The following P4HB variants were observed in gnomAD, a reference collection of about 807,000 sequenced individuals.
P4HB encodes the protein prolyl 4-hydroxylase subunit beta.
P4HB carries 20 observed loss-of-function variants against 52.6 expected under a neutral mutation model. That is an observed-to-expected ratio of 0.38 (90% CI 0.27 to 0.55). The LOEUF is 0.55. P4HB is among the 20% of genes least tolerant of loss of function. The pLI is 0.74. For synonymous variants in P4HB, 296 were observed against 277.9 expected (o/e 1.07, Z -0.65); for missense variants, 601 against 669.2 (o/e 0.90, Z 1.12).
chr17:81,849,658 G>A (rs970795982), intron 4 of P4HB, among the ~76,000 whole-genome samples: 6 of 152,150 alleles, frequency 3.9e-5, no homozygotes, highest in Non-Finnish European at 7.4e-5. Flanking sequence ...AAGGCCACAA[G>A]ATGGAGAGGC....
At chr17:81,850,124 G>A (rs1317331777) in intron 4 of P4HB, among the ~76,000 whole-genome samples, 2 of 150,486 alleles carry the variant, frequency 1.3e-5, no homozygotes, top group Non-Finnish European at 3.0e-5. Flanking sequence ...CACTGAGCCC[G>A]GCCCAAACTA....
chr17:81,849,976 C>A (rs909633736), intron 4 of P4HB, among the ~76,000 whole-genome samples: 2 of 151,740 alleles, frequency 1.3e-5, no homozygotes, highest in Admixed American at 1.3e-4. Context: ...CACAGGCACC[C>A]GCCACCACGC....
In P4HB at chr17:81,855,095, G is replaced by T; in HGVS notation, c.624+47C>A. On this transcript the variant is annotated intron_variant, in intron 4 of 10. Transcript: ENST00000331483. The surrounding 1 kb of genome is among the most constrained non-coding windows in gnomAD (Gnocchi z 4.3). Reference sequence around the variant, plus strand: ...AAGGAGAGCAACGCCACCCTCTGCAGACCAACCCCAGAACTAACCTGGGCA... The same window carrying T: ...AAGGAGAGCAACGCCACCCTCTGCATACCAACCCCAGAACTAACCTGGGCA... 6.2e-7 allele frequency: 1 copy of T among 1,604,714 alleles called. No individual in the cohort carries two copies. Among genetic ancestry groups the T allele is most frequent in the South Asian group, 1.1e-5 (1 of 90,808 alleles).
intron 4 of P4HB, among the ~76,000 whole-genome samples, chr17:81,850,441 T>G (rs1355483491): frequency 6.6e-6 from 1 of 150,872 alleles, no homozygotes; most frequent in Non-Finnish European, 1.5e-5. Flanking sequence ...TGGACAGAAC[T>G]ACTTTTTAAA....
intron 1 of P4HB, chr17:81,859,827 T>G (rs937917267): frequency 2.7e-5 from 6 of 223,164 alleles, no homozygotes; most frequent in Non-Finnish European, 5.4e-5. Context: ...TTGCTTAGGG[T>G]GAGAATAAGA....
In P4HB at chr17:81,846,349, C is replaced by A. The variant is rs2038735161; in HGVS notation, c.1056+80G>T. ...TGAAGATCTTACTTTGAGGACGAAG[C>A]CCAGGACACTGAGAGCCCAGAGACC... On this transcript the variant is annotated intron_variant, in intron 7 of 10. Coordinates refer to ENST00000331483, the MANE Select transcript of P4HB (RefSeq NM_000918.4). This position sits in a 1 kb window ranked among gnomAD's most constrained non-coding sequence, Gnocchi z 5.7. 61 of 1,305,358 alleles carry A rather than the reference C, an allele frequency of 4.7e-5. 1 individual carries two copies. In the South Asian group the frequency reaches 7.0e-4, roughly 15 times the overall value. The allele number at this position is 1,305,358 out of a possible 1,614,324, so 80.9% of individuals were successfully genotyped here. A position where few individuals can be genotyped will look rare whatever the true frequency, so the allele number is the denominator to read the frequency against.
At chr17:81,845,829 C>G in intron 8 of P4HB, 42 bp downstream of exon 8, 1 of 1,613,978 alleles carries the variant, frequency 6.2e-7, no homozygotes, top group South Asian at 1.1e-5. Context: ...TTGCGCGTGC[C>G]CTGGTGGCAC....
At position 81,859,266 on chromosome 17, in the gene P4HB, G is replaced by A. The variant is rs148691482; in HGVS notation, c.267C>T (p.Asp89=). The A allele has an allele frequency of 6.2e-7, 1 of 1,614,014 alleles. No individual in the cohort carries two copies. The highest frequency in any genetic ancestry group is 1.3e-5 in the African/African-American group (1 of 75,048). ...LAKVDATEES[D]LAQQYGVRGY... Reference sequence around the variant, plus strand: ...CGCGCACGCCGTACTGCTGGGCCAGGTCAGACTCCTCCGTGGCGTCCACCT... The same window carrying A: ...CGCGCACGCCGTACTGCTGGGCCAGATCAGACTCCTCCGTGGCGTCCACCT... The change falls in exon 2 of 11, where the codon GAC becomes GAT. Residue 89 remains aspartate, a synonymous_variant. Coordinates refer to ENST00000331483, the MANE Select transcript of P4HB (RefSeq NM_000918.4).
In P4HB at chr17:81,846,239, T is replaced by C; in HGVS notation, c.1056+190A>G. On this transcript the variant is annotated intron_variant, in intron 7 of 10. Transcript: ENST00000331483. This position sits in a 1 kb window ranked among gnomAD's most constrained non-coding sequence, Gnocchi z 5.7. ...CCCTGAGGAGCATCTGGGCCAGCCG[T>C]GTGGACAAGAGGGCTCCTACAGGTC... 1 of 716,852 alleles carries C rather than the reference T, an allele frequency of 1.4e-6. No homozygotes were observed. The highest frequency in any genetic ancestry group is 2.3e-6 in the Non-Finnish European group (1 of 441,052). The allele number at this position is 716,852 out of a possible 1,614,324, so 44.4% of individuals were successfully genotyped here. A position where few individuals can be genotyped will look rare whatever the true frequency, so the allele number is the denominator to read the frequency against.
intron 10 of P4HB, among the ~76,000 whole-genome samples, chr17:81,844,428 A>C (rs895841705): frequency 2.0e-5 from 3 of 152,184 alleles, no homozygotes; most frequent in Non-Finnish European, 4.4e-5. Context: ...CAGAGGGTCC[A>C]CATCTCGGCA....
At position 81,847,536 on chromosome 17, in the gene P4HB, G is replaced by A. The variant is rs141659483; in HGVS notation, c.625-189C>T. On this transcript the variant is annotated intron_variant, in intron 4 of 10. Transcript: ENST00000331483. ...GACAGTAAGACTGGCTCTGGTCACG[G>A]CCTTATGGCTGCCCGTGAATTCAAC... is the stretch of plus-strand genomic sequence containing the variant. The A allele has an allele frequency of 8.5e-4, 512 of 604,878 alleles. 1 individual carries two copies. Among genetic ancestry groups the A allele is most frequent in the Middle Eastern group, 5.3e-3 (12 of 2,272 alleles). The allele number at this position is 604,878 out of a possible 1,614,324, so 37.5% of individuals were successfully genotyped here.
In P4HB at chr17:81,845,156, T is replaced by C. The variant is rs1381947947; in HGVS notation, c.1434A>G (p.Ala478=). 6.2e-7 allele frequency: 1 copy of C among 1,613,032 alleles called. No homozygotes were observed. The highest frequency in any genetic ancestry group is 1.1e-5 in the South Asian group (1 of 90,928). Residue 478 remains alanine, a synonymous_variant, in exon 10 of 11, where the codon GCA becomes GCG. Transcript: ENST00000331483. ...TGACCCCACTCACGTCATCATCCCC[T>C]GCCCCATCCTGGCCACCGCTCTCCA... The part of the protein sequence containing the change: ...KFLESGGQDG[A]GDDDDLEDLE...
rs2038901923 is a variant in P4HB at position 81,855,592 on chromosome 17, C to T, written c.353-6G>A. On this transcript the variant is annotated splice_polypyrimidine_tract_variant and splice_region_variant and intron_variant, in intron 2 of 10. Transcript: ENST00000331483. This position sits in a 1 kb window ranked among gnomAD's most constrained non-coding sequence, Gnocchi z 4.3. Reference sequence around the variant, plus strand: ...GTCATCAGCCTCTCTGCCAGCTAACCCCAAACAAATGTAGGTTCTACTCTC... The same window carrying T: ...GTCATCAGCCTCTCTGCCAGCTAACTCCAAACAAATGTAGGTTCTACTCTC... The T allele has an allele frequency of 6.2e-7, 1 of 1,611,988 alleles. No homozygotes were observed. The highest frequency in any genetic ancestry group is 1.7e-5 in the Admixed American group (1 of 59,794).
intron 1 of P4HB, chr17:81,860,044 C>T (rs372887926): frequency 3.3e-6 from 1 of 304,492 alleles, no homozygotes; most frequent in Non-Finnish European, 6.0e-6. Flanking sequence ...AGGCTGGACA[C>T]TGGCTTGCTC....
intron 4 of P4HB, among the ~76,000 whole-genome samples, chr17:81,853,820 T>C (rs1201710969): frequency 6.6e-6 from 1 of 152,116 alleles, no homozygotes; most frequent in African/African-American, 2.4e-5. Context: ...CACACTACCC[T>C]GGCTCTGAGC....
intron 2 of P4HB, 71 bp downstream of exon 2, chr17:81,859,110 G>A: frequency 7.0e-7 from 1 of 1,420,596 alleles, no homozygotes; most frequent in Non-Finnish European, 9.9e-7. Context: ...TCAGACAGCT[G>A]CCCCTGCCCT....
At chr17:81,853,537 G>A (rs2038865897) in intron 4 of P4HB, among the ~76,000 whole-genome samples, 1 of 151,622 alleles carries the variant, frequency 6.6e-6, no homozygotes, top group African/African-American at 2.4e-5. Flanking sequence ...TCGCGCCACT[G>A]CACTCCAGCC....
rs981629638 is a variant in P4HB, at chr17:81,846,215, C to T, written c.1056+214G>A. ...GCACCCTCGCCGGCCAGGAGGTTTC[C>T]CTGAGGAGCATCTGGGCCAGCCGTG... On this transcript the variant is annotated intron_variant, in intron 7 of 10. Transcript: ENST00000331483. The surrounding 1 kb of genome is among the most constrained non-coding windows in gnomAD (Gnocchi z 5.7). 5 of 732,142 alleles carry T rather than the reference C, an allele frequency of 6.8e-6. No individual in the cohort carries two copies. In the Admixed American group the frequency reaches 8.7e-5, roughly 13 times the overall value. The allele number at this position is 732,142 out of a possible 1,614,324, so 45.4% of individuals were successfully genotyped here.
chr17:81,844,165 A>C lies in P4HB; in HGVS notation c.1447-73T>G, dbSNP rs1311608123. On this transcript the variant is annotated intron_variant, in intron 10 of 10. Coordinates refer to ENST00000331483, the MANE Select transcript of P4HB (RefSeq NM_000918.4). ...TGAGGCTGCCGGCCCCCAGCACCCC[A>C]CACTGCTCACACCGGGGACTAGCCG... The C allele has an allele frequency of 6.9e-6, 7 of 1,015,638 alleles. No individual in the cohort carries two copies. The South Asian group carries it at 8.8e-5, about 13-fold the overall frequency. 62.9% of individuals were successfully genotyped at this position (1,015,638 alleles called of 1,614,324 possible).
Sources: allele counts gnomAD v4.1 joint callset (sites outside exome capture counted in the v4.1 genomes callset), GRCh38; gene constraint gnomAD v4.1.1; non-coding constraint Gnocchi (gnomAD v3.1); transcripts MANE v1.5; gene names NCBI Gene and HGNC (gene_info 2026-07-23, HGNC 2026-07-21).